Variants in CELSR1 observed in about 807,000 individuals in gnomAD.
CELSR1 encodes the protein cadherin EGF LAG seven-pass G-type receptor 1.
A neutral mutation model predicts 249.1 loss-of-function variants in CELSR1; 110 were observed. The observed-to-expected ratio is 0.44, with a 90% CI of 0.38 to 0.52. The LOEUF is 0.52. Ranked by LOEUF, CELSR1 falls within the 20% of genes least tolerant of loss-of-function variation. The pLI is 0.00. For synonymous variants in CELSR1, 2,113 were observed against 1,900.0 expected, an observed-to-expected ratio of 1.11 and a Z score of -2.92; for missense variants, 4,109 against 4,296.4, an observed-to-expected ratio of 0.96 and a Z score of 1.22.
Position 46,437,895 on chromosome 22 carries a change from G to A in CELSR1, c.4406+1294C>T, listed in dbSNP as rs1032345724. ...GGGCAGGGAATGAGCAGGGAGAAGG[G>A]ATCTTAATGACGACGGGACCAACTC... On this transcript the variant is annotated intron_variant, in intron 3 of 34. Coordinates refer to ENST00000674500, the MANE Select transcript of CELSR1 (RefSeq NM_001378328.1). The surrounding 1 kb of genome is among the most constrained non-coding windows in gnomAD (Gnocchi z 4.9). Among the ~76,000 whole-genome samples, 2 of 152,192 alleles carry A rather than the reference G, an allele frequency of 1.3e-5. No homozygotes were observed. The highest frequency in any genetic ancestry group is 4.8e-5 in the African/African-American group (2 of 41,452).
chr22:46,536,233 C>T lies in CELSR1; in HGVS notation c.938G>A (p.Arg313His), dbSNP rs779635784. 3.7e-6 allele frequency: 6 copies of T among 1,612,406 alleles called. No individual in the cohort carries two copies. The highest frequency in any genetic ancestry group is 5.1e-6 in the Non-Finnish European group (6 of 1,179,944). Residue 313 changes from arginine to histidine, a missense_variant, in exon 1 of 35, where the codon CGC becomes CAC. By Grantham distance (29) the Arg-to-His change is conservative. This residue lies in a region of CELSR1 where 673 missense variants were observed against 636.8 expected (regional missense o/e 1.06). Coordinates refer to ENST00000674500, the MANE Select transcript of CELSR1 (RefSeq NM_001378328.1). The stretch of plus-strand genomic sequence containing the variant: ...GAGGACGTGCGTCTCCTTGGTCTCG[C>T]GGTCCAGTACGCTGTCCGTGCTCAC... Reference protein sequence around the residue: ...GAVSTDSVLDRETKETHVLRV... With the variant: ...GAVSTDSVLDHETKETHVLRV...
In CELSR1 at chr22:46,500,912, T is replaced by C. The variant is rs2080459893; in HGVS notation, c.3544+32715A>G. ...GGACCCGAAAATCAGCCCATTTACATGCCAAGTGCTGAGAACCCTGTTTCT... is the reference window on the plus strand; with the variant it reads ...GGACCCGAAAATCAGCCCATTTACACGCCAAGTGCTGAGAACCCTGTTTCT... On this transcript the variant is annotated intron_variant, in intron 1 of 34. Coordinates refer to ENST00000674500, the MANE Select transcript of CELSR1 (RefSeq NM_001378328.1). This position sits in a 1 kb window ranked among gnomAD's most constrained non-coding sequence, Gnocchi z 4.9. Among the ~76,000 whole-genome samples the C allele has an allele frequency of 6.6e-6, 1 of 152,192 alleles. No individual in the cohort carries two copies. Among genetic ancestry groups the C allele is most frequent in the African/African-American group, 2.4e-5 (1 of 41,450 alleles).
intron 1 of CELSR1, among the ~76,000 whole-genome samples, chr22:46,521,582 T>C (rs2080686385): frequency 6.6e-6 from 1 of 151,822 alleles, no homozygotes; most frequent in Non-Finnish European, 1.5e-5. Flanking sequence ...TTGGGAGGCT[T>C]GAGGCAGGCG....
chr22:46,471,950 CTGTG>C lies in CELSR1; in HGVS notation c.3545-7609_3545-7606del, dbSNP rs1050224224. 3.9e-5 allele frequency among the ~76,000 whole-genome samples: 6 copies of C among 152,160 alleles called. No individual in the cohort carries two copies. The highest frequency in any genetic ancestry group is 8.8e-5 in the Non-Finnish European group (6 of 68,038). On this transcript the variant is annotated intron_variant, in intron 1 of 34. Transcript: ENST00000674500. The surrounding 1 kb of genome is among the most constrained non-coding windows in gnomAD (Gnocchi z 4.9). Reference sequence around the variant, plus strand: ...CACGCTGTCCCCCGTGGTTTCATTTCTGTGTGTGAGTACAGGTCAGTTCACAGTT... The same window carrying C: ...CACGCTGTCCCCCGTGGTTTCATTTCTGTGAGTACAGGTCAGTTCACAGTT...
chr22:46,393,484 T>G lies in CELSR1; in HGVS notation c.5964+658A>C, dbSNP rs1421990200. 6.6e-6 allele frequency among the ~76,000 whole-genome samples: 1 copy of G among 152,094 alleles called. No homozygotes were observed. Among genetic ancestry groups the G allele is most frequent in the South Asian group, 2.1e-4 (1 of 4,820 alleles). The stretch of plus-strand genomic sequence containing the variant: ...CAGGCACGGTGGCTCACGCCTGTAA[T>G]CCCAGCACTCTGGGAGGCTGAGGCG... On this transcript the variant is annotated intron_variant, in intron 14 of 34. Transcript: ENST00000674500. The surrounding 1 kb of genome is among the most constrained non-coding windows in gnomAD (Gnocchi z 4.1).
At chr22:46,422,140 C>T (rs1273687414) in intron 5 of CELSR1, among the ~76,000 whole-genome samples, 1 of 152,038 alleles carries the variant, frequency 6.6e-6, no homozygotes, top group Admixed American at 6.5e-5. Context: ...GAGTCTCACT[C>T]TGTCGCCCAG....
chr22:46,531,158 C>T (rs1039570965), intron 1 of CELSR1, among the ~76,000 whole-genome samples: 10 of 151,980 alleles, frequency 6.6e-5, no homozygotes, highest in East Asian at 1.9e-4. Flanking sequence ...AAATCCTAGT[C>T]GAATGGTCTG....
In CELSR1 at chr22:46,473,355, C is replaced by T. The variant is rs1350206357; in HGVS notation, c.3545-9010G>A. ...GAGATGGTCCAAGAGGACCCTAGTC[C>T]TGGCATGGGAGGGTCTGCTGAGGAC... On this transcript the variant is annotated intron_variant, in intron 1 of 34. Transcript: ENST00000674500. This position sits in a 1 kb window ranked among gnomAD's most constrained non-coding sequence, Gnocchi z 6.6. Among the ~76,000 whole-genome samples the T allele has an allele frequency of 6.6e-6, 1 of 152,090 alleles. No individual in the cohort carries two copies. Among genetic ancestry groups the T allele is most frequent in the Non-Finnish European group, 1.5e-5 (1 of 68,014 alleles).
intron 5 of CELSR1, among the ~76,000 whole-genome samples, chr22:46,420,516 ACAT>A (rs1365358742): frequency 2.6e-5 from 4 of 152,060 alleles, no homozygotes; most frequent in African/African-American, 4.8e-5. Flanking sequence ...ACACCCACTC[ACAT>A]CATTCATACT....
chr22:46,408,970 C>T lies in CELSR1; in HGVS notation c.5226+26G>A. 1 of 1,578,358 alleles carries T rather than the reference C, an allele frequency of 6.3e-7. No individual in the cohort carries two copies. Among genetic ancestry groups the T allele is most frequent in the South Asian group, 1.2e-5 (1 of 85,954 alleles). On this transcript the variant is annotated intron_variant, in intron 9 of 34. Transcript: ENST00000674500. This position sits in a 1 kb window ranked among gnomAD's most constrained non-coding sequence, Gnocchi z 4.6. ...CCCTCGGGCACCCACCTAGCAGGTG[C>T]CTTGGTGGCACGGGGCCCCAGTCAC...
intron 24 of CELSR1, 70 bp from the exon 25 acceptor site, chr22:46,373,127 G>C: frequency 6.9e-7 from 1 of 1,458,254 alleles, no homozygotes; most frequent in East Asian, 2.5e-5. Context: ...CATGAGTGAG[G>C]GGTGGGGGAT....
rs1284017117 is a variant in CELSR1 at position 46,430,233 on chromosome 22, G to A, written c.4611+3160C>T. ...AGGGTGGGCAGCAGCGGCATGGCCC[G>A]CACCAATGCTTCCACCCTCTCCAGA... On this transcript the variant is annotated intron_variant, in intron 5 of 34. Coordinates refer to ENST00000674500, the MANE Select transcript of CELSR1 (RefSeq NM_001378328.1). The surrounding 1 kb of genome is among the most constrained non-coding windows in gnomAD (Gnocchi z 4.6). 6.6e-6 allele frequency among the ~76,000 whole-genome samples: 1 copy of A among 152,206 alleles called. No homozygotes were observed. The highest frequency in any genetic ancestry group is 2.4e-5 in the African/African-American group (1 of 41,438).
At chr22:46,511,449 T>C (rs1282797588) in intron 1 of CELSR1, among the ~76,000 whole-genome samples, 1 of 152,196 alleles carries the variant, frequency 6.6e-6, no homozygotes, top group East Asian at 1.9e-4. Context: ...AAACAGAGCA[T>C]GGCGTGGAGC....
At chr22:46,371,356 G>C (rs1372712734) in intron 25 of CELSR1, among the ~76,000 whole-genome samples, 1 of 152,122 alleles carries the variant, frequency 6.6e-6, no homozygotes, top group Non-Finnish European at 1.5e-5. Context: ...CCCCACCCCA[G>C]TGCCTCTGGC....
chr22:46,446,742 C>T lies in CELSR1; in HGVS notation c.4184-7331G>A, dbSNP rs2079825690. On this transcript the variant is annotated intron_variant, in intron 2 of 34. Transcript: ENST00000674500. This position sits in a 1 kb window ranked among gnomAD's most constrained non-coding sequence, Gnocchi z 5.5. ...ACTTAATCCATGAGTTACAAAACGA[C>T]ATAATTCCCATATTTGATTCAAATA... Among the ~76,000 whole-genome samples, 1 of 152,138 alleles carries T rather than the reference C, an allele frequency of 6.6e-6. No individual in the cohort carries two copies. Among genetic ancestry groups the T allele is most frequent in the South Asian group, 2.1e-4 (1 of 4,822 alleles).
chr22:46,489,764 G>A (rs1364780376), intron 1 of CELSR1, among the ~76,000 whole-genome samples: 1 of 151,934 alleles, frequency 6.6e-6, no homozygotes, highest in African/African-American at 2.4e-5. Flanking sequence ...GCGTGGTGGT[G>A]CACATCTGTA....
intron 5 of CELSR1, among the ~76,000 whole-genome samples, chr22:46,419,869 G>A (rs1389327547): frequency 6.6e-6 from 1 of 150,378 alleles, no homozygotes; most frequent in African/African-American, 2.4e-5. Flanking sequence ...ACACCCACAT[G>A]TGCACTCCCA....
Position 46,374,080 on chromosome 22 carries a change from C to T in CELSR1, c.7585-1023G>A, listed in dbSNP as rs751768822. The stretch of plus-strand genomic sequence containing the variant: ...TGTCAGATACGGAACAGAGCAGGAA[C>T]CGAAGCAGGGAACGCAGGCTCAAGT... On this transcript the variant is annotated intron_variant, in intron 24 of 34. Coordinates refer to ENST00000674500, the MANE Select transcript of CELSR1 (RefSeq NM_001378328.1). This position sits in a 1 kb window ranked among gnomAD's most constrained non-coding sequence, Gnocchi z 4.3. Among the ~76,000 whole-genome samples the T allele has an allele frequency of 2.1e-4, 32 of 152,232 alleles. No homozygotes were observed. Among genetic ancestry groups the T allele is most frequent in the Non-Finnish European group, 3.7e-4 (25 of 68,036 alleles).
rs2079116033 is a variant in CELSR1, at chr22:46,393,529, G to A, written c.5964+613C>T. Among the ~76,000 whole-genome samples the A allele has an allele frequency of 1.3e-5, 2 of 152,180 alleles. No individual in the cohort carries two copies. The highest frequency in any genetic ancestry group is 1.3e-4 in the Admixed American group (2 of 15,276). On this transcript the variant is annotated intron_variant, in intron 14 of 34. Transcript: ENST00000674500. The surrounding 1 kb of genome is among the most constrained non-coding windows in gnomAD (Gnocchi z 4.1). The stretch of plus-strand genomic sequence containing the variant: ...GAGGCGGGCGGATCACCTGAGGTCA[G>A]GAGTTCAAGACCAGCCTGGCCAACA...
Sources: allele counts gnomAD v4.1 joint callset (sites outside exome capture counted in the v4.1 genomes callset), GRCh38; gene constraint gnomAD v4.1.1; regional missense constraint gnomAD v4.1.1; non-coding constraint Gnocchi (gnomAD v3.1); transcripts MANE v1.5; gene names NCBI Gene and HGNC (gene_info 2026-07-23, HGNC 2026-07-21).